Variants in GRID2 observed in about 807,000 individuals in gnomAD.
The protein encoded by GRID2 is glutamate receptor ionotropic, delta-2.
GRID2 carries 33 observed loss-of-function variants against 114.8 expected under a neutral mutation model. That is an observed-to-expected ratio of 0.29 (90% CI 0.22 to 0.38). The LOEUF (loss-of-function observed/expected upper bound fraction) is 0.38. Among genes scored for constraint, GRID2 ranks in the 10% least tolerant of loss-of-function variants. GRID2 has a pLI of 1.00. For missense variants in GRID2, 1,184 were observed against 1,257.7 expected (o/e 0.94, Z 0.89); for synonymous variants, 505 against 449.9 (o/e 1.12, Z -1.55).
intron 1 of GRID2, among the ~76,000 whole-genome samples, chr4:93,783,462 AGAG>A (rs1734523028): frequency 6.6e-6 from 1 of 152,194 alleles, no homozygotes; most frequent in African/African-American, 2.4e-5. Flanking sequence ...CACTGATGTA[AGAG>A]GCTTTGTACA....
rs569262817 is a variant in GRID2 at position 92,432,160 on chromosome 4, G to C, written c.88+127416G>C. 1.7e-3 allele frequency among the ~76,000 whole-genome samples: 261 copies of C among 152,182 alleles called. 1 individual carries two copies. The highest frequency in any genetic ancestry group is 6.1e-3 in the African/African-American group (254 of 41,536). On this transcript the variant is annotated intron_variant, in intron 1 of 15. Transcript: ENST00000282020. ...GAGGAGTGACACAAGCATCTTTGTG[G>C]CCACCACCACTAGGACTGCTCTGGG...
chr4:92,852,422 C>A (rs1296916246), intron 2 of GRID2, among the ~76,000 whole-genome samples: 1 of 151,902 alleles, frequency 6.6e-6, no homozygotes, highest in Non-Finnish European at 1.5e-5. Flanking sequence ...ATAGGCTGAA[C>A]TGTCTTCCAC....
chr4:93,741,642 T>G (rs746366334), intron 14 of GRID2, among the ~76,000 whole-genome samples: 2 of 152,170 alleles, frequency 1.3e-5, no homozygotes, highest in Non-Finnish European at 2.9e-5. Flanking sequence ...ATGTTAAAAG[T>G]GTTGGCCGAG....
rs571689277 is a variant in GRID2, at chr4:92,631,354, T to C, written c.244+41068T>C. Among the ~76,000 whole-genome samples, 32 of 152,242 alleles carry C rather than the reference T, an allele frequency of 2.1e-4. 2 individuals carry two copies. The South Asian group carries it at 6.6e-3, about 32-fold the overall frequency. ...TGGTTTACTGAGCTCTAGGATTATC[T>C]ATCGTTAGTCAGGACTTGAATGAAA... On this transcript the variant is annotated intron_variant, in intron 2 of 15. Transcript: ENST00000282020.
At chr4:93,462,216 C>T (rs1287823139) in intron 11 of GRID2, among the ~76,000 whole-genome samples, 1 of 152,058 alleles carries the variant, frequency 6.6e-6, no homozygotes, top group Non-Finnish European at 1.5e-5. Context: ...CCATGCCTGG[C>T]CTATGTGCTT....
At chr4:93,451,485 A>T (rs986662646) in intron 10 of GRID2, among the ~76,000 whole-genome samples, 3 of 152,126 alleles carry the variant, frequency 2.0e-5, no homozygotes, top group Non-Finnish European at 4.4e-5. Flanking sequence ...AAAATGGTAC[A>T]GTATGAATAT....
intron 4 of GRID2, among the ~76,000 whole-genome samples, chr4:93,148,278 C>T (rs961220855): frequency 2.6e-5 from 4 of 152,080 alleles, no homozygotes; most frequent in African/African-American, 4.8e-5. Context: ...GTAGAAATAA[C>T]ACTACTGCCA....
chr4:92,710,834 T>C (rs1409810292), intron 2 of GRID2, among the ~76,000 whole-genome samples: 1 of 152,044 alleles, frequency 6.6e-6, no homozygotes, highest in Non-Finnish European at 1.5e-5. Context: ...CAATAATTTG[T>C]AAACTTCCAT....
chr4:93,695,815 A>G (rs17021014), intron 14 of GRID2, among the ~76,000 whole-genome samples: 6,261 of 152,338 alleles, frequency 0.041, 200 homozygotes, highest in African/African-American at 0.081. Context: ...AAGCCGCTCA[A>G]CTTCTTAAAT....
intron 1 of GRID2, among the ~76,000 whole-genome samples, chr4:92,429,886 T>C (rs1732355180): frequency 6.6e-6 from 1 of 152,170 alleles, no homozygotes; most frequent in Non-Finnish European, 1.5e-5. Context: ...TACCTGTTTG[T>C]TGTTTGTATA....
At chr4:93,261,581 TG>T (rs768111691) in intron 8 of GRID2, among the ~76,000 whole-genome samples, 2 of 151,840 alleles carry the variant, frequency 1.3e-5, no homozygotes, top group Non-Finnish European at 2.9e-5. Flanking sequence ...TGCGTGGGCC[TG>T]GCATATTTAA....
chr4:93,107,214 G>A (rs1475217266), intron 3 of GRID2, among the ~76,000 whole-genome samples: 3 of 152,126 alleles, frequency 2.0e-5, no homozygotes, highest in Non-Finnish European at 2.9e-5. Flanking sequence ...TGGGAGGATC[G>A]CTTAAGCCTG....
rs374198520 is a variant in GRID2, at chr4:93,305,374, G to A, written c.1245+66884G>A. ...TGATTTGGATGAATTTCTCTAATAT[G>A]CTAATCTGCATGGACTAAGTCCATG... On this transcript the variant is annotated intron_variant, in intron 8 of 15. Transcript: ENST00000282020. Among the ~76,000 whole-genome samples the A allele has an allele frequency of 9.2e-5, 14 of 152,302 alleles. No individual in the cohort carries two copies. In the East Asian group the frequency reaches 2.1e-3, roughly 23 times the overall value.
intron 7 of GRID2, among the ~76,000 whole-genome samples, chr4:93,226,917 C>T (rs1407227349): frequency 2.0e-5 from 3 of 152,142 alleles, no homozygotes; most frequent in Non-Finnish European, 4.4e-5. Context: ...TTGCACTCTG[C>T]AGAATGACAG....
At chr4:92,351,037 A>G (rs2110183185) in intron 1 of GRID2, among the ~76,000 whole-genome samples, 1 of 152,026 alleles carries the variant, frequency 6.6e-6, no homozygotes, top group African/African-American at 2.4e-5. Flanking sequence ...ATAATAATTT[A>G]TCATATGGAT....
intron 4 of GRID2, among the ~76,000 whole-genome samples, chr4:93,123,940 G>C (rs562935695): frequency 4.3e-5 from 6 of 140,524 alleles, no homozygotes; most frequent in Non-Finnish European, 7.6e-5. Flanking sequence ...AGTTAGACTG[G>C]ACCTAATGAT....
intron 2 of GRID2, among the ~76,000 whole-genome samples, chr4:93,047,587 T>G (rs1359216110): frequency 6.6e-6 from 1 of 152,044 alleles, no homozygotes; most frequent in Non-Finnish European, 1.5e-5. Context: ...ACTTAATCTC[T>G]CCACACATAT....
chr4:93,514,109 A>C (rs901004016), intron 12 of GRID2, among the ~76,000 whole-genome samples: 1 of 152,150 alleles, frequency 6.6e-6, no homozygotes, highest in Non-Finnish European at 1.5e-5. Flanking sequence ...TCTGATTTTA[A>C]CAGTATGTCA....
At chr4:93,068,144 C>T (rs1322306072) in intron 2 of GRID2, among the ~76,000 whole-genome samples, 1 of 151,950 alleles carries the variant, frequency 6.6e-6, no homozygotes, top group Non-Finnish European at 1.5e-5. Context: ...AATTCAAATG[C>T]ATTTTATGCT....
Sources: gnomAD v4.1 joint callset for allele counts (sites outside exome capture counted in the v4.1 genomes callset) on GRCh38, gnomAD v4.1.1 for gene constraint, MANE v1.5 for transcripts, NCBI Gene and HGNC (gene_info 2026-07-23, HGNC 2026-07-21) for gene names.